The following PARD3B variants were observed in gnomAD, a reference collection of about 807,000 sequenced individuals.
The protein encoded by PARD3B is par-3 family cell polarity regulator beta.
PARD3B carries 103 observed loss-of-function variants against 130.2 expected under a neutral mutation model. The observed-to-expected ratio is 0.79, with a 90% CI of 0.67 to 0.93. The LOEUF (loss-of-function observed/expected upper bound fraction) is 0.93, where lower values mean the gene tolerates loss of function less well. Ranked by LOEUF, PARD3B falls within the 40% of genes least tolerant of loss-of-function variation. The pLI, the probability that PARD3B is intolerant of heterozygous loss-of-function variation, is 0.00. For missense variants in PARD3B, 1,609 were observed against 1,499.2 expected (o/e 1.07, Z -1.21); for synonymous variants, 583 against 553.2 (o/e 1.05, Z -0.76).
chr2:204,750,623 T>TACATACATACACACAC (rs1473439959), intron 2 of PARD3B, among the ~76,000 whole-genome samples: 11 of 151,326 alleles, frequency 7.3e-5, no homozygotes, highest in African/African-American at 2.4e-4. Context: ...CATACATACA[T>TACATACATACACACAC]ACATACATAC....
chr2:205,490,842 T>G (rs1260644759), intron 20 of PARD3B, among the ~76,000 whole-genome samples: 1 of 152,234 alleles, frequency 6.6e-6, no homozygotes, highest in Non-Finnish European at 1.5e-5. Flanking sequence ...TGGTTTTTGA[T>G]TTGCATTTCT....
chr2:205,266,205 T>C (rs2040498596), intron 16 of PARD3B, among the ~76,000 whole-genome samples: 1 of 152,088 alleles, frequency 6.6e-6, no homozygotes, highest in African/African-American at 2.4e-5. Flanking sequence ...TGCAGTTACC[T>C]CTAGAATAAA....
intron 1 of PARD3B, among the ~76,000 whole-genome samples, chr2:204,679,191 A>G (rs563850520): frequency 6.6e-6 from 1 of 152,128 alleles, no homozygotes; most frequent in Admixed American, 6.5e-5. Context: ...TATACATTCT[A>G]CTGGTTACGA....
intron 15 of PARD3B, among the ~76,000 whole-genome samples, chr2:205,199,185 G>A (rs1379355230): frequency 6.6e-6 from 1 of 152,136 alleles, no homozygotes; most frequent in Non-Finnish European, 1.5e-5. Context: ...TTAAACACTG[G>A]AGATGTGGTA....
intron 2 of PARD3B, among the ~76,000 whole-genome samples, chr2:204,843,036 C>G (rs1185677861): frequency 6.6e-6 from 1 of 152,104 alleles, no homozygotes; most frequent in African/African-American, 2.4e-5. Flanking sequence ...CGTGTCTGGG[C>G]CCTCCTGGCA....
intron 4 of PARD3B, among the ~76,000 whole-genome samples, chr2:205,055,485 AT>A (rs1699574927): frequency 6.6e-6 from 1 of 152,176 alleles, no homozygotes; most frequent in African/African-American, 2.4e-5. Flanking sequence ...GTTGTTTGAA[AT>A]TTTGTAAAGA....
intron 15 of PARD3B, among the ~76,000 whole-genome samples, chr2:205,217,892 A>ATTTTTT (rs1409391243): frequency 7.1e-4 from 20 of 28,058 alleles, no homozygotes; most frequent in African/African-American, 1.0e-3. Flanking sequence ...ATATATATAT[A>ATTTTTT]TATTTTTTTT....
At chr2:205,170,782 TTTTTTTTTTCTTTTAC>T (rs2035126431) in intron 11 of PARD3B, among the ~76,000 whole-genome samples, 3 of 57,350 alleles carry the variant, frequency 5.2e-5, no homozygotes, top group South Asian at 3.7e-4. Flanking sequence ...ATCTCATTTC[TTTTTTTTTTCTTTTAC>T]TTTTTTTTTC....
At chr2:205,314,249 G>A (rs1360220192) in intron 18 of PARD3B, among the ~76,000 whole-genome samples, 1 of 152,160 alleles carries the variant, frequency 6.6e-6, no homozygotes, top group Non-Finnish European at 1.5e-5. Flanking sequence ...AGAGATGAAT[G>A]TGGCAAATAG....
intron 18 of PARD3B, among the ~76,000 whole-genome samples, chr2:205,388,341 G>A (rs2045734881): frequency 6.6e-6 from 1 of 152,188 alleles, no homozygotes; most frequent in African/African-American, 2.4e-5. Flanking sequence ...TACAGGAAAG[G>A]GAGGAAGAAC....
chr2:204,571,669 G>GTTTTGT (rs1055299849), intron 1 of PARD3B, among the ~76,000 whole-genome samples: 1 of 152,050 alleles, frequency 6.6e-6, no homozygotes, highest in Non-Finnish European at 1.5e-5. Context: ...ATTTTGCTTT[G>GTTTTGT]TTTTGTTGTT....
intron 2 of PARD3B, among the ~76,000 whole-genome samples, chr2:204,940,701 C>T (rs1012659055): frequency 5.9e-5 from 9 of 152,194 alleles, no homozygotes; most frequent in African/African-American, 2.2e-4. Flanking sequence ...GCTCTGTTGT[C>T]GCAGTGGTTT....
chr2:205,141,643 A>G (rs1285864488), intron 10 of PARD3B, among the ~76,000 whole-genome samples: 6 of 152,228 alleles, frequency 3.9e-5, no homozygotes, highest in African/African-American at 1.2e-4. Context: ...CTTCATGTGT[A>G]TCAAAGTGCA....
chr2:204,570,660 A>G lies in PARD3B; in HGVS notation c.120+24541A>G, dbSNP rs1209981872. Among the ~76,000 whole-genome samples the G allele has an allele frequency of 2.0e-5, 3 of 152,226 alleles. No homozygotes were observed. In the East Asian group the frequency reaches 5.8e-4, roughly 29 times the overall value. ...ACCAGGGGCAGAGTTTACAGGATGA[A>G]TGGGAAATGAGAAAGAGTGAAGTTC... On this transcript the variant is annotated intron_variant, in intron 1 of 22. Transcript: ENST00000406610.
intron 2 of PARD3B, among the ~76,000 whole-genome samples, chr2:204,796,644 C>G (rs1395745217): frequency 1.3e-5 from 2 of 152,170 alleles, no homozygotes; most frequent in Non-Finnish European, 2.9e-5. Context: ...AAGGAGCACC[C>G]TAACAAAATT....
chr2:204,679,886 A>T (rs181831304), intron 1 of PARD3B, among the ~76,000 whole-genome samples: 4 of 152,160 alleles, frequency 2.6e-5, no homozygotes, highest in Admixed American at 2.6e-4. Context: ...GCATGACTGT[A>T]ATAATTTCCA....
intron 2 of PARD3B, among the ~76,000 whole-genome samples, chr2:204,753,274 A>G (rs976241654): frequency 2.6e-5 from 4 of 152,194 alleles, no homozygotes; most frequent in African/African-American, 9.6e-5. Flanking sequence ...TATAGCTGGA[A>G]ATACTGCATT....
chr2:205,083,303 C>T (rs1376388635), intron 4 of PARD3B, among the ~76,000 whole-genome samples: 2 of 149,706 alleles, frequency 1.3e-5, no homozygotes, highest in Non-Finnish European at 3.0e-5. Context: ...AGATACATAA[C>T]CTCAGTAGCA....
At position 205,420,965 on chromosome 2, in the gene PARD3B, A is replaced by T. The variant is rs139195450; in HGVS notation, c.2742-19405A>T. ...AGACCATCCTGACCAACATGGTGAA[A>T]CCCCATCTCTACTAAAAATACAAAA... is the stretch of plus-strand genomic sequence containing the variant. On this transcript the variant is annotated intron_variant, in intron 19 of 22. Coordinates refer to ENST00000406610, the MANE Select transcript of PARD3B (RefSeq NM_001302769.2). Among the ~76,000 whole-genome samples the T allele has an allele frequency of 1.2e-3, 181 of 152,244 alleles. 1 individual carries two copies. The highest frequency in any genetic ancestry group is 4.1e-3 in the African/African-American group (172 of 41,558).
Sources: allele counts gnomAD v4.1 joint callset (sites outside exome capture counted in the v4.1 genomes callset), GRCh38; gene constraint gnomAD v4.1.1; transcripts MANE v1.5; gene names NCBI Gene and HGNC (gene_info 2026-07-23, HGNC 2026-07-21).